POLR3G: variants seen among roughly 807,000 people sequenced by gnomAD.
POLR3G encodes the protein RNA polymerase III subunit G, also known as DNA-directed RNA polymerase III subunit RPC7.
In POLR3G, 28 loss-of-function variants were observed where a neutral mutation model predicts 30.1. That is an observed-to-expected ratio of 0.93 (90% CI 0.69 to 1.27). The LOEUF is 1.27. Ranked by LOEUF, POLR3G falls within the 50% of genes most tolerant of loss-of-function variation. The pLI, the probability that POLR3G is intolerant of heterozygous loss-of-function variation, is 0.00. For missense variants in POLR3G, 254 were observed against 264.6 expected, an observed-to-expected ratio of 0.96 and a Z score of 0.28; for synonymous variants, 79 against 82.5, an observed-to-expected ratio of 0.96 and a Z score of 0.23.
At chr5:90,496,856 G>A (rs891183869) in intron 4 of POLR3G, among the ~76,000 whole-genome samples, 5 of 152,074 alleles carry the variant, frequency 3.3e-5, no homozygotes, top group Non-Finnish European at 7.4e-5. Flanking sequence ...CATTTCTTCC[G>A]TTTCATTAGT....
rs1478710972 is a variant in POLR3G at position 90,513,838 on chromosome 5, T to C, written c.*1699T>C. On this transcript the variant is annotated 3_prime_UTR_variant, in exon 8 of 8. Coordinates refer to ENST00000651687, the MANE Select transcript of POLR3G (RefSeq NM_006467.3). ...CTTAGAATAGAAACCTCACAAAAAG[T>C]TGTCATTTGCGGTTGATAATTAACA... 1 of 152,196 alleles carries C rather than the reference T, an allele frequency of 6.6e-6. No homozygotes were observed. The highest frequency in any genetic ancestry group is 1.5e-5 in the Non-Finnish European group (1 of 68,010). 9.4% of individuals were successfully genotyped at this position (152,196 alleles called of 1,614,324 possible). A position where few individuals can be genotyped will look rare whatever the true frequency, so the allele number is the denominator to read the frequency against.
At chr5:90,478,992 G>T (rs1328825352) in intron 1 of POLR3G, among the ~76,000 whole-genome samples, 1 of 71,740 alleles carries the variant, frequency 1.4e-5, no homozygotes, top group Non-Finnish European at 3.4e-5. Flanking sequence ...GTGCAGCCAG[G>T]TCCCACTCAA....
chr5:90,512,142 A>G lies in POLR3G; in HGVS notation c.*3A>G, dbSNP rs773462501. On this transcript the variant is annotated 3_prime_UTR_variant, in exon 8 of 8. Transcript: ENST00000651687. ...ACATGGATGAGGCAACCTATTAGGC[A>G]TGAAATTTTTCAAAAAATATTTTTA... is the stretch of plus-strand genomic sequence containing the variant. The G allele has an allele frequency of 6.3e-7, 1 of 1,577,540 alleles. No individual in the cohort carries two copies. Among genetic ancestry groups the G allele is most frequent in the East Asian group, 2.2e-5 (1 of 44,678 alleles).
Position 90,514,146 on chromosome 5 carries a change from T to TA in POLR3G, c.*2010dup, listed in dbSNP as rs1561262790. 2 of 152,214 alleles carry TA rather than the reference T, an allele frequency of 1.3e-5. No individual in the cohort carries two copies. Among genetic ancestry groups the TA allele is most frequent in the Non-Finnish European group, 2.9e-5 (2 of 68,030 alleles). The allele number at this position is 152,214 out of a possible 1,614,324, so 9.4% of individuals were successfully genotyped here. A position where few individuals can be genotyped will look rare whatever the true frequency, so the allele number is the denominator to read the frequency against. ...CCTTTGAAAGATCCTTTTACAATGT[T>TA]AAAGTATACTAGTTGCAAGAACAAG... On this transcript the variant is annotated 3_prime_UTR_variant, in exon 8 of 8. Transcript: ENST00000651687.
At chr5:90,507,644 C>A (rs1018087951) in intron 7 of POLR3G, among the ~76,000 whole-genome samples, 4 of 152,150 alleles carry the variant, frequency 2.6e-5, no homozygotes, top group Non-Finnish European at 4.4e-5. Context: ...GTAGTAGAAG[C>A]TTCTGATTAT....
At chr5:90,482,720 T>A (rs1751205095) in intron 1 of POLR3G, among the ~76,000 whole-genome samples, 1 of 152,166 alleles carries the variant, frequency 6.6e-6, no homozygotes, top group Non-Finnish European at 1.5e-5. Context: ...CTTCTGATCT[T>A]GTGGCCCCCA....
intron 7 of POLR3G, 61 bp from the exon 8 acceptor site, chr5:90,511,992 G>C (rs1752759257): frequency 8.8e-7 from 1 of 1,139,952 alleles, no homozygotes; most frequent in Non-Finnish European, 1.3e-6. Flanking sequence ...TTTAGGCCTG[G>C]AATATTTTCT....
At chr5:90,477,224 C>G (rs534101317) in intron 1 of POLR3G, among the ~76,000 whole-genome samples, 2 of 152,122 alleles carry the variant, frequency 1.3e-5, no homozygotes, top group Non-Finnish European at 2.9e-5. Flanking sequence ...TGAAAAGAAC[C>G]TGGGGCTTAA....
At chr5:90,502,399 T>C in intron 6 of POLR3G, 1 of 888,826 alleles carries the variant, frequency 1.1e-6, no homozygotes, top group Non-Finnish European at 1.3e-6. Context: ...TCTTAAGTAT[T>C]GAAGACTCTT....
At chr5:90,503,651 G>C (rs928487320) in intron 6 of POLR3G, among the ~76,000 whole-genome samples, 1 of 152,196 alleles carries the variant, frequency 6.6e-6, no homozygotes, top group Non-Finnish European at 1.5e-5. Flanking sequence ...AAATACCAAT[G>C]AGTTTAGAAG....
At chr5:90,502,338 C>T in intron 6 of POLR3G, 1 of 933,772 alleles carries the variant, frequency 1.1e-6, no homozygotes, top group Non-Finnish European at 1.3e-6. Flanking sequence ...AAAAACCTCT[C>T]ATTTTTCCTC....
chr5:90,495,828 A>G (rs1751957890), intron 4 of POLR3G, 95 bp downstream of exon 4: 5 of 1,411,836 alleles, frequency 3.5e-6, no homozygotes, highest in Non-Finnish European at 3.7e-6. Context: ...TTTTTACCAT[A>G]GGAAAACTGA....
intron 6 of POLR3G, among the ~76,000 whole-genome samples, chr5:90,502,660 G>A (rs578210991): frequency 3.9e-5 from 6 of 152,090 alleles, no homozygotes; most frequent in Non-Finnish European, 8.8e-5. Flanking sequence ...TTTTTCAGAA[G>A]TATTTCATAC....
upstream of POLR3G, chr5:90,474,749 G>A: frequency 5.2e-6 from 1 of 191,482 alleles, no homozygotes; most frequent in Non-Finnish European, 1.1e-5. Flanking sequence ...GGCGCAGAAA[G>A]TGTGGGGCCT....
intron 3 of POLR3G, chr5:90,490,687 G>A: frequency 2.6e-6 from 1 of 385,412 alleles, no homozygotes; most frequent in Non-Finnish European, 5.1e-6. Flanking sequence ...GAAATTACAG[G>A]CATGAGCCAC....
chr5:90,477,510 C>T (rs1173444536), intron 1 of POLR3G, among the ~76,000 whole-genome samples: 1 of 152,132 alleles, frequency 6.6e-6, no homozygotes, highest in Non-Finnish European at 1.5e-5. Flanking sequence ...GGAGAGAGAA[C>T]AGAGCTGGTA....
chr5:90,500,785 T>C (rs1377103877), intron 5 of POLR3G, among the ~76,000 whole-genome samples: 1 of 152,170 alleles, frequency 6.6e-6, no homozygotes, highest in African/African-American at 2.4e-5. Context: ...TTTTCTTTTG[T>C]AGGTTAAATG....
intron 5 of POLR3G, among the ~76,000 whole-genome samples, chr5:90,500,574 G>A (rs949129142): frequency 1.8e-4 from 27 of 152,144 alleles, no homozygotes; most frequent in African/African-American, 6.3e-4. Context: ...ATGTGTTACA[G>A]TTCATATTAA....
chr5:90,479,695 T>C (rs551692578), intron 1 of POLR3G, among the ~76,000 whole-genome samples: 1 of 152,208 alleles, frequency 6.6e-6, no homozygotes, highest in East Asian at 1.9e-4. Context: ...GGACTTAAAC[T>C]GGCTTTTTTG....
Sources: gnomAD v4.1 joint callset for allele counts (sites outside exome capture counted in the v4.1 genomes callset) on GRCh38, gnomAD v4.1.1 for gene constraint, MANE v1.5 for transcripts, NCBI Gene and HGNC (gene_info 2026-07-23, HGNC 2026-07-21) for gene names.